DDX6: variants seen among roughly 807,000 people sequenced by gnomAD.
The protein encoded by DDX6 is probable ATP-dependent RNA helicase DDX6.
A neutral mutation model predicts 60.6 loss-of-function variants in DDX6; 7 were observed. The ratio of observed to expected loss-of-function variants is 0.12; its 90% CI spans 0.07 to 0.22. The LOEUF is 0.22. Ranked by LOEUF, DDX6 falls within the 10% of genes least tolerant of loss-of-function variation. The pLI is 1.00. For synonymous variants in DDX6, 207 were observed against 201.0 expected (o/e 1.03, Z -0.25); for missense variants, 270 against 589.9 (o/e 0.46, Z 5.62).
intron 2 of DDX6, among the ~76,000 whole-genome samples, chr11:118,782,516 A>C (rs1209329101): frequency 1.3e-5 from 2 of 152,134 alleles, no homozygotes; most frequent in African/African-American, 4.8e-5. Context: ...GAGTCCCCAA[A>C]ACATCTCAAA....
chr11:118,770,432 A>C (rs1052191049), intron 4 of DDX6, among the ~76,000 whole-genome samples: 17 of 152,194 alleles, frequency 1.1e-4, no homozygotes, highest in Non-Finnish European at 2.1e-4. Context: ...CAAACAAACA[A>C]AAAACAGCTT....
chr11:118,757,675 C>A (rs1861024752), intron 9 of DDX6, among the ~76,000 whole-genome samples: 1 of 152,044 alleles, frequency 6.6e-6, no homozygotes, highest in Non-Finnish European at 1.5e-5. Flanking sequence ...ACTGCAACAG[C>A]TGCCTCCTGG....
intron 3 of DDX6, 29 bp from the exon 4 acceptor site, chr11:118,779,765 A>G: frequency 6.8e-7 from 1 of 1,478,566 alleles, no homozygotes; most frequent in Non-Finnish European, 9.3e-7. Context: ...ACAATAAAAG[A>G]ATAAATAACA....
At chr11:118,771,989 A>T (rs139473001) in intron 4 of DDX6, among the ~76,000 whole-genome samples, 10 of 152,000 alleles carry the variant, frequency 6.6e-5, no homozygotes, top group African/African-American at 2.4e-4. Flanking sequence ...TTTTCATAGC[A>T]GCATTATCCT....
rs1415963087 is a variant in DDX6 at position 118,786,125 on chromosome 11, T to C, written c.127A>G (p.Asn43Asp). ...ATTGTGTTGGTGTTTTTCAGCTGGT[T>C]CATCTGTTGCTGTGTCTGTGTGCCC... ...GGGTQTQQQMNQLKNTNTINN... is the reference protein window; with the variant it reads ...GGGTQTQQQMDQLKNTNTINN... The change falls in exon 2 of 14, where the codon AAC becomes GAC. Residue 43 changes from asparagine to aspartate, a missense_variant. This residue lies in a region of DDX6 where 102 missense variants were observed against 110.5 expected (regional missense o/e 0.92). Coordinates refer to ENST00000534980, the MANE Select transcript of DDX6 (RefSeq NM_004397.6). The C allele has an allele frequency of 6.2e-7, 1 of 1,614,008 alleles. No individual in the cohort carries two copies.
intron 4 of DDX6, among the ~76,000 whole-genome samples, chr11:118,772,376 G>A (rs938500798): frequency 1.6e-4 from 25 of 152,200 alleles, no homozygotes; most frequent in Non-Finnish European, 2.6e-4. Context: ...AAAACATTAC[G>A]CTAAGTCAAA....
At position 118,759,062 on chromosome 11, in the gene DDX6, TC is replaced by T. The variant is rs547594108; in HGVS notation, c.865-161del. On this transcript the variant is annotated intron_variant, in intron 8 of 13. Coordinates refer to ENST00000534980, the MANE Select transcript of DDX6 (RefSeq NM_004397.6). ...ATATATGATCTGTCATTACAGAATT[TC>T]CCCCCTGCCACCCTGAGACAAAATC... 5.9e-5 allele frequency: 56 copies of T among 957,110 alleles called. 1 individual carries two copies. In the African/African-American group the frequency reaches 7.5e-4, roughly 13 times the overall value. The allele number at this position is 957,110 out of a possible 1,614,324, so 59.3% of individuals were successfully genotyped here.
At position 118,749,359 on chromosome 11, in the gene DDX6, A is replaced by G. The variant is rs1019053034; in HGVS notation, c.*2746T>C. 2 of 6,502 alleles carry G rather than the reference A, an allele frequency of 3.1e-4. No homozygotes were observed. The highest frequency in any genetic ancestry group is 7.5e-4 in the Non-Finnish European group (2 of 2,680). 0.4% of individuals were successfully genotyped at this position (6,502 alleles called of 1,614,324 possible). A position where few individuals can be genotyped will look rare whatever the true frequency, so the allele number is the denominator to read the frequency against. ...TATTATGAGGGCCCAAAAAAGAAAG[A>G]AAAAAAAAAAAAAAAAAAAAAAGAC... On this transcript the variant is annotated 3_prime_UTR_variant, in exon 14 of 14. Transcript: ENST00000534980.
intron 9 of DDX6, 139 bp downstream of exon 9, chr11:118,758,635 G>A: frequency 1.1e-6 from 1 of 946,468 alleles, no homozygotes; most frequent in Non-Finnish European, 1.5e-6. Context: ...CCTCCAAAGT[G>A]CTGGGAGGCA....
chr11:118,754,286 G>A (rs893158339), intron 13 of DDX6, among the ~76,000 whole-genome samples: 5 of 152,120 alleles, frequency 3.3e-5, no homozygotes, highest in Admixed American at 6.5e-5. Context: ...AAAACATTAG[G>A]CAGGCGTGGT....
intron 1 of DDX6, chr11:118,789,745 C>G (rs997521378): frequency 3.3e-5 from 5 of 152,200 alleles, no homozygotes; most frequent in Non-Finnish European, 7.3e-5. Context: ...CGAACGATAT[C>G]ATCATTACTG....
intron 1 of DDX6, chr11:118,787,795 A>G (rs374700070): frequency 3.3e-5 from 5 of 152,348 alleles, no homozygotes; most frequent in African/African-American, 1.2e-4. Flanking sequence ...AATTTTGTAT[A>G]AATGAATTTT....
rs1565580772 is a variant in DDX6 at position 118,786,039 on chromosome 11, C to G, written c.200+13G>C. 1.2e-6 allele frequency: 2 copies of G among 1,607,854 alleles called. No individual in the cohort carries two copies. The highest frequency in any genetic ancestry group is 1.7e-6 in the Non-Finnish European group (2 of 1,175,670). On this transcript the variant is annotated intron_variant, in intron 2 of 13. Transcript: ENST00000534980. ...CCCACAAGTGTTTATTAATAATTTA[C>G]TCTAACACTTACTTAATAGTGGTGG...
intron 12 of DDX6, among the ~76,000 whole-genome samples, 155 bp from the exon 13 acceptor site, chr11:118,755,042 G>A (rs1555158390): frequency 6.6e-6 from 1 of 152,126 alleles, no homozygotes; most frequent in East Asian, 1.9e-4. Context: ...TTCAAACACA[G>A]GTTTCCCTAC....
At chr11:118,763,466 T>A (rs1013892577) in intron 6 of DDX6, among the ~76,000 whole-genome samples, 160 bp from the exon 7 acceptor site, 4 of 149,496 alleles carry the variant, frequency 2.7e-5, no homozygotes, top group African/African-American at 9.9e-5. Flanking sequence ...TCCATTATAA[T>A]CTTATGGGAA....
chr11:118,791,544 C>T (rs1486950687), upstream of DDX6: 1 of 152,226 alleles, frequency 6.6e-6, no homozygotes, highest in Non-Finnish European at 1.5e-5. Flanking sequence ...ACCAGAGGAA[C>T]ATCTCTTTAT....
chr11:118,751,890 C>G lies in DDX6; in HGVS notation c.*215G>C. ...GCAGTTAGTGCAACTAATGTTCAGT[C>G]AGCACACAGTGCAAACAAGTGGAAC... On this transcript the variant is annotated 3_prime_UTR_variant, in exon 14 of 14. Transcript: ENST00000534980. 6.8e-6 allele frequency: 3 copies of G among 443,292 alleles called. No homozygotes were observed. The highest frequency in any genetic ancestry group is 1.4e-5 in the Non-Finnish European group (3 of 221,576). 27.5% of individuals were successfully genotyped at this position (443,292 alleles called of 1,614,324 possible).
chr11:118,784,631 G>C (rs10892292), intron 2 of DDX6, among the ~76,000 whole-genome samples: 25,819 of 151,782 alleles, frequency 0.17, 2,462 homozygotes, highest in South Asian at 0.29. Context: ...GCTGATTTTT[G>C]TATTTTTAGT....
chr11:118,759,068 C>A (rs1358601158), intron 8 of DDX6, 166 bp from the exon 9 acceptor site: 3 of 887,998 alleles, frequency 3.4e-6, no homozygotes, highest in Non-Finnish European at 4.8e-6. Flanking sequence ...AATTTCCCCC[C>A]TGCCACCCTG....
Sources: allele counts gnomAD v4.1 joint callset (sites outside exome capture counted in the v4.1 genomes callset), GRCh38; gene constraint gnomAD v4.1.1; regional missense constraint gnomAD v4.1.1; transcripts MANE v1.5; gene names NCBI Gene and HGNC (gene_info 2026-07-23, HGNC 2026-07-21).